The following FSTL4 variants were observed in gnomAD, a reference collection of about 807,000 sequenced individuals.
FSTL4 encodes the protein follistatin-related protein 4.
Under a neutral mutation model 78.2 loss-of-function variants are expected in FSTL4, and 28 were observed. The observed-to-expected ratio is 0.36, with a 90% CI of 0.27 to 0.49. The LOEUF (loss-of-function observed/expected upper bound fraction) is 0.49. Among genes scored for constraint, FSTL4 ranks in the 20% least tolerant of loss-of-function variants. The probability of loss-of-function intolerance (pLI) is 0.98; values close to 1 mark genes in which losing one functional copy is unlikely to be tolerated. For synonymous variants in FSTL4, 422 were observed against 440.5 expected (o/e 0.96, Z 0.53); for missense variants, 922 against 1,084.9 (o/e 0.85, Z 2.11).
chr5:133,726,783 G>A, the FSTL4 span, among the ~76,000 whole-genome samples: 2 of 152,172 alleles, frequency 1.3e-5, no homozygotes, highest in Non-Finnish European at 2.9e-5. Flanking sequence ...AAACCAATCA[G>A]ACTTCAAATA....
intron 3 of FSTL4, among the ~76,000 whole-genome samples, chr5:133,562,160 T>G (rs1759927952): frequency 6.6e-6 from 1 of 152,106 alleles, no homozygotes; most frequent in Non-Finnish European, 1.5e-5. Flanking sequence ...TCTGGATGGC[T>G]CCCTTTTAAA....
intron 3 of FSTL4, among the ~76,000 whole-genome samples, chr5:133,565,340 A>C (rs1455118671): frequency 1.3e-5 from 2 of 152,186 alleles, no homozygotes; most frequent in African/African-American, 4.8e-5. Context: ...TCAGTGAGTC[A>C]GTGAATTCCC....
chr5:133,528,781 C>T (rs954095299), intron 3 of FSTL4, among the ~76,000 whole-genome samples: 1 of 152,226 alleles, frequency 6.6e-6, no homozygotes, highest in Non-Finnish European at 1.5e-5. Flanking sequence ...CCCCAACAAC[C>T]CGTGTAAGTC....
the FSTL4 span, among the ~76,000 whole-genome samples, chr5:133,834,808 G>A: frequency 6.6e-6 from 1 of 151,908 alleles, no homozygotes; most frequent in Non-Finnish European, 1.5e-5. Context: ...CAAATAACAT[G>A]TATAGTTAGA....
chr5:133,496,769 T>G (rs1222393185), intron 3 of FSTL4, among the ~76,000 whole-genome samples: 3 of 152,128 alleles, frequency 2.0e-5, no homozygotes, highest in African/African-American at 7.2e-5. Flanking sequence ...TAAGGGACGC[T>G]CAAACCACTT....
At chr5:133,624,741 C>A in the FSTL4 span, among the ~76,000 whole-genome samples, 1 of 151,706 alleles carries the variant, frequency 6.6e-6, no homozygotes, top group African/African-American at 2.4e-5. Flanking sequence ...TGATTCCTTA[C>A]AATTTTTCTT....
intron 3 of FSTL4, among the ~76,000 whole-genome samples, chr5:133,551,928 G>C (rs1044065213): frequency 2.0e-4 from 30 of 152,300 alleles, no homozygotes; most frequent in African/African-American, 6.7e-4. Context: ...TAATTACCAA[G>C]CTTGAACCTT....
At chr5:133,239,757 G>A (rs1417150574) in intron 7 of FSTL4, among the ~76,000 whole-genome samples, 1 of 152,194 alleles carries the variant, frequency 6.6e-6, no homozygotes, top group Non-Finnish European at 1.5e-5. Context: ...CTCTGGTGGG[G>A]ACTTGGAGAA....
intron 3 of FSTL4, among the ~76,000 whole-genome samples, chr5:133,404,110 A>G (rs1482889207): frequency 6.6e-6 from 1 of 152,204 alleles, no homozygotes; most frequent in African/African-American, 2.4e-5. Flanking sequence ...ATTACTTGCA[A>G]TTAAGACAAA....
rs913147994 is a variant in FSTL4, at chr5:133,225,301, G to A, written c.1178-17C>T. On this transcript the variant is annotated splice_polypyrimidine_tract_variant and intron_variant, in intron 9 of 15. Transcript: ENST00000265342. The surrounding 1 kb of genome is among the most constrained non-coding windows in gnomAD (Gnocchi z 4.6). ...TCCCATTGGCTGCAGACAGGACAGT[G>A]CTCAGGGTGGACTGCTCAGCTGGAG... 1.2e-6 allele frequency: 2 copies of A among 1,614,010 alleles called. No individual in the cohort carries two copies. The highest frequency in any genetic ancestry group is 2.7e-5 in the African/African-American group (2 of 74,930).
Position 133,352,361 on chromosome 5 carries a change from C to T in FSTL4, c.410-35709G>A, listed in dbSNP as rs1034643603. On this transcript the variant is annotated intron_variant, in intron 4 of 15. Transcript: ENST00000265342. ...ATATATACACATATATATACACACACATATATATACACATATATATATATA... is the reference window on the plus strand; with the variant it reads ...ATATATACACATATATATACACACATATATATATACACATATATATATATA... Among the ~76,000 whole-genome samples, 338 of 147,048 alleles carry T rather than the reference C, an allele frequency of 2.3e-3. 1 individual carries two copies. Among genetic ancestry groups the T allele is most frequent in the African/African-American group, 7.5e-3 (293 of 39,228 alleles).
chr5:133,590,447 G>A (rs893865645), intron 2 of FSTL4, among the ~76,000 whole-genome samples: 1 of 152,164 alleles, frequency 6.6e-6, no homozygotes, highest in Non-Finnish European at 1.5e-5. Context: ...CTTCCATGAT[G>A]ACAGGCCAAA....
chr5:133,783,085 C>T, the FSTL4 span, among the ~76,000 whole-genome samples: 1 of 152,332 alleles, frequency 6.6e-6, no homozygotes, highest in Non-Finnish European at 1.5e-5. Context: ...GAAGTGATTT[C>T]CAAACTTCTA....
the FSTL4 span, among the ~76,000 whole-genome samples, chr5:133,830,085 C>T: frequency 1.3e-5 from 2 of 152,200 alleles, no homozygotes; most frequent in Admixed American, 1.3e-4. Flanking sequence ...ATGCAGGCCC[C>T]AGTGACAAGA....
the FSTL4 span, among the ~76,000 whole-genome samples, chr5:133,741,272 G>A: frequency 1.4e-4 from 21 of 152,204 alleles, no homozygotes; most frequent in South Asian, 4.1e-4. Flanking sequence ...ATCAAGAAAG[G>A]GGGATGAAAG....
intron 4 of FSTL4, among the ~76,000 whole-genome samples, chr5:133,397,117 T>C (rs1034911070): frequency 1.3e-5 from 2 of 152,246 alleles, no homozygotes; most frequent in African/African-American, 4.8e-5. Context: ...CTCATCTTCG[T>C]GAACAGCGTA....
At chr5:133,329,857 G>A (rs116559948) in intron 4 of FSTL4, among the ~76,000 whole-genome samples, 2,930 of 152,260 alleles carry the variant, frequency 0.019, 48 homozygotes, top group Non-Finnish European at 0.03. Context: ...ACTCACGGCA[G>A]CAAAACATCT....
At chr5:133,397,310 ACT>A (rs1380387608) in intron 4 of FSTL4, among the ~76,000 whole-genome samples, 1 of 152,066 alleles carries the variant, frequency 6.6e-6, no homozygotes, top group East Asian at 1.9e-4. Context: ...GAAAAATGTG[ACT>A]CTAATTTTGC....
chr5:133,617,782 C>T, the FSTL4 span, among the ~76,000 whole-genome samples: 2 of 152,172 alleles, frequency 1.3e-5, no homozygotes, highest in Non-Finnish European at 2.9e-5. Context: ...GGTGACTTTT[C>T]AAGAGGGCAG....
Sources: gnomAD v4.1 joint callset for allele counts (sites outside exome capture counted in the v4.1 genomes callset) on GRCh38, gnomAD v4.1.1 for gene constraint, Gnocchi (gnomAD v3.1) non-coding constraint, MANE v1.5 for transcripts, NCBI Gene and HGNC (gene_info 2026-07-23, HGNC 2026-07-21) for gene names.